The following ARHGAP22 variants were observed in gnomAD, a reference collection of about 807,000 sequenced individuals.
ARHGAP22 encodes Rho GTPase activating protein 22.
Under a neutral mutation model 59.1 loss-of-function variants are expected in ARHGAP22, and 48 were observed. The observed-to-expected ratio is 0.81, with a 90% CI of 0.64 to 1.03. The LOEUF is 1.03. Ranked by LOEUF, ARHGAP22 falls within the 50% of genes least tolerant of loss-of-function variation. The pLI, the probability that ARHGAP22 is intolerant of heterozygous loss-of-function variation, is 0.00. For missense variants in ARHGAP22, 1,015 were observed against 958.7 expected (o/e 1.06, Z -0.78); for synonymous variants, 445 against 416.4 (o/e 1.07, Z -0.84).
At chr10:48,459,527 C>T (rs533054417) in intron 5 of ARHGAP22, among the ~76,000 whole-genome samples, 157 bp downstream of exon 5, 6 of 152,254 alleles carry the variant, frequency 3.9e-5, no homozygotes, top group African/African-American at 1.2e-4. Flanking sequence ...CCCGGGCTGG[C>T]GGAGTGAGGG....
At chr10:48,546,086 C>T (rs540847738) in intron 3 of ARHGAP22, among the ~76,000 whole-genome samples, 6 of 152,200 alleles carry the variant, frequency 3.9e-5, no homozygotes, top group Admixed American at 1.3e-4. Context: ...CTGGCTTGAT[C>T]CTGGAGAACT....
At chr10:48,490,385 T>C (rs73296268) in intron 3 of ARHGAP22, among the ~76,000 whole-genome samples, 4,177 of 152,230 alleles carry the variant, frequency 0.027, 140 homozygotes, top group African/African-American at 0.078. Context: ...ATCCCTGACC[T>C]CTGCCCACTC....
rs1434943436 is a variant in ARHGAP22, at chr10:48,604,850, T to C, written c.-54A>G. 1 of 1,613,692 alleles carries C rather than the reference T, an allele frequency of 6.2e-7. No homozygotes were observed. Among genetic ancestry groups the C allele is most frequent in the Non-Finnish European group, 8.5e-7 (1 of 1,180,002 alleles). ...AGGGCCGTTCATGCTGTCATCCACTTGCTTTTGCTCGTCCTCGCGCCTAGT... is the reference window on the plus strand; with the variant it reads ...AGGGCCGTTCATGCTGTCATCCACTCGCTTTTGCTCGTCCTCGCGCCTAGT... On this transcript the variant is annotated 5_prime_UTR_variant, in exon 1 of 10. Coordinates refer to ENST00000249601, the MANE Select transcript of ARHGAP22 (RefSeq NM_021226.4).
At chr10:48,441,037 T>C (rs2045186157), downstream of ARHGAP22, among the ~76,000 whole-genome samples, 2 of 152,192 alleles carry the variant, frequency 1.3e-5, no homozygotes, top group African/African-American at 4.8e-5. Context: ...ACATCTCAGT[T>C]TGAAATGTCC....
chr10:48,540,891 T>C (rs929443965), intron 3 of ARHGAP22, among the ~76,000 whole-genome samples: 3 of 151,974 alleles, frequency 2.0e-5, no homozygotes, highest in African/African-American at 7.2e-5. Context: ...AACCCCGGAC[T>C]AGGAGTTCTT....
intron 1 of ARHGAP22, among the ~76,000 whole-genome samples, chr10:48,611,733 A>C (rs947067002): frequency 9.9e-5 from 15 of 150,892 alleles, no homozygotes; most frequent in Admixed American, 2.0e-4. Context: ...TCCCTGCCCC[A>C]CTGTTCTGAG....
chr10:48,577,707 C>T lies in ARHGAP22; in HGVS notation c.234+5246G>A, dbSNP rs199708015. Among the ~76,000 whole-genome samples, 3 of 34,652 alleles carry T rather than the reference C, an allele frequency of 8.7e-5. 1 individual carries two copies. Among genetic ancestry groups the T allele is most frequent in the African/African-American group, 1.5e-4 (1 of 6,736 alleles). 22.7% of individuals were successfully genotyped at this position (34,652 alleles called of 152,430 possible). A position where few individuals can be genotyped will look rare whatever the true frequency, so the allele number is the denominator to read the frequency against. ...GGCTCCCTTTTATTCTCAGAGAATA[C>T]ATACAACTCCAGTCTTACAGCTGAG... is the stretch of plus-strand genomic sequence containing the variant. On this transcript the variant is annotated intron_variant, in intron 2 of 9. Transcript: ENST00000249601.
intron 1 of ARHGAP22, among the ~76,000 whole-genome samples, chr10:48,650,146 C>CTTT (rs11386532): frequency 0.011 from 917 of 81,412 alleles, 25 homozygotes; most frequent in Middle Eastern, 0.031. Context: ...GCTGGAGACT[C>CTTT]TTTTTTTTTT....
chr10:48,438,026 A>G, the ARHGAP22 span: 12 of 152,262 alleles, frequency 7.9e-5, no homozygotes, highest in African/African-American at 2.4e-5. Context: ...AGTATCTGCT[A>G]AACATATGAA....
intron 3 of ARHGAP22, among the ~76,000 whole-genome samples, chr10:48,531,980 C>G (rs1292976598): frequency 6.6e-6 from 1 of 152,168 alleles, no homozygotes; most frequent in Non-Finnish European, 1.5e-5. Flanking sequence ...TCCTGCCAGC[C>G]CTGGCCTCTG....
chr10:48,430,309 GTCTC>G, the ARHGAP22 span: 1 of 152,136 alleles, frequency 6.6e-6, no homozygotes, highest in Non-Finnish European at 1.5e-5. Context: ...GGTCAGGCTT[GTCTC>G]AAATTCCTGA....
chr10:48,486,431 C>T (rs1158254401), intron 3 of ARHGAP22, among the ~76,000 whole-genome samples: 1 of 151,922 alleles, frequency 6.6e-6, no homozygotes, highest in Non-Finnish European at 1.5e-5. Context: ...TCCTCTGCCT[C>T]CTGGGTTCAA....
intron 1 of ARHGAP22, among the ~76,000 whole-genome samples, chr10:48,591,233 T>A (rs910929018): frequency 2.0e-5 from 3 of 152,132 alleles, no homozygotes; most frequent in African/African-American, 7.2e-5. Flanking sequence ...GAAAACACGT[T>A]AACACAAACA....
At chr10:48,599,326 G>A (rs1056907855) in intron 1 of ARHGAP22, among the ~76,000 whole-genome samples, 4 of 152,202 alleles carry the variant, frequency 2.6e-5, no homozygotes, top group Non-Finnish European at 5.9e-5. Context: ...GGACTGCCAC[G>A]TGGGGACACT....
At chr10:48,441,522 G>A (rs1310305353), downstream of ARHGAP22, among the ~76,000 whole-genome samples, 7 of 147,360 alleles carry the variant, frequency 4.8e-5, no homozygotes, top group East Asian at 1.2e-3. Flanking sequence ...CGTGATCTCC[G>A]CTCACTGCAA....
In ARHGAP22 at chr10:48,568,475, C is replaced by T. The variant is rs12256953; in HGVS notation, c.235-12925G>A. ...GGGGGAAACTCAGATGAGCTGAATC[C>T]CTCTGGCTGCCCACGGCATTTGGTG... On this transcript the variant is annotated intron_variant, in intron 2 of 9. Transcript: ENST00000249601. Among the ~76,000 whole-genome samples, 475 of 152,332 alleles carry T rather than the reference C, an allele frequency of 3.1e-3. 1 individual carries two copies. The highest frequency in any genetic ancestry group is 9.7e-3 in the African/African-American group (405 of 41,570).
chr10:48,590,682 T>G (rs1338565672), intron 1 of ARHGAP22, among the ~76,000 whole-genome samples: 1 of 152,216 alleles, frequency 6.6e-6, no homozygotes, highest in South Asian at 2.1e-4. Flanking sequence ...CCATCTGGCC[T>G]GTGAGGGAGG....
At chr10:48,446,650 A>ACTC (rs1452261424) in intron 9 of ARHGAP22, 31 bp from the exon 10 acceptor site, 1 of 1,595,462 alleles carries the variant, frequency 6.3e-7, no homozygotes, top group Admixed American at 1.7e-5. Flanking sequence ...GCTGTTTGAG[A>ACTC]CTCTGCGGGC....
chr10:48,542,674 A>G lies in ARHGAP22; in HGVS notation c.322+12789T>C, dbSNP rs565381222. Among the ~76,000 whole-genome samples, 636 of 152,278 alleles carry G rather than the reference A, an allele frequency of 4.2e-3. 1 individual carries two copies. The highest frequency in any genetic ancestry group is 6.3e-3 in the Non-Finnish European group (427 of 68,016). On this transcript the variant is annotated intron_variant, in intron 3 of 9. Coordinates refer to ENST00000249601, the MANE Select transcript of ARHGAP22 (RefSeq NM_021226.4). ...GGCTGGGGTTGGGGTCAGGCACCCC[A>G]GAGTGTTTTGGGGTGGAGTATGCTC... is the stretch of plus-strand genomic sequence containing the variant.
Sources: gnomAD v4.1 joint callset for allele counts (sites outside exome capture counted in the v4.1 genomes callset) on GRCh38, gnomAD v4.1.1 for gene constraint, MANE v1.5 for transcripts, NCBI Gene and HGNC (gene_info 2026-07-23, HGNC 2026-07-21) for gene names.